The following TNRC6A variants were observed in gnomAD, a reference collection of about 807,000 sequenced individuals.
TNRC6A encodes the protein trinucleotide repeat-containing gene 6A protein.
In TNRC6A, 44 loss-of-function variants were observed where a neutral mutation model predicts 221.2. The ratio of observed to expected loss-of-function variants is 0.20; its 90% CI spans 0.16 to 0.26. The LOEUF is 0.26. Among genes scored for constraint, TNRC6A ranks in the 10% least tolerant of loss-of-function variants. The pLI is 1.00. For missense variants in TNRC6A, 2,199 were observed against 2,404.4 expected, an observed-to-expected ratio of 0.91 and a Z score of 1.79; for synonymous variants, 847 against 838.5, an observed-to-expected ratio of 1.01 and a Z score of -0.18.
rs757212633 is a variant in TNRC6A at position 24,806,815 on chromosome 16, T to A, written c.4540+31T>A. The A allele has an allele frequency of 3.7e-6, 6 of 1,605,712 alleles. No individual in the cohort carries two copies. In the East Asian group the frequency reaches 1.1e-4, roughly 30 times the overall value. On this transcript the variant is annotated intron_variant, in intron 17 of 24. Coordinates refer to ENST00000395799, the MANE Select transcript of TNRC6A (RefSeq NM_014494.4). ...TTTCTCCTTGGCCCAAGTATTGGACTGATGCTTAGGTATCACAGGCGTGCC... is the reference window on the plus strand; with the variant it reads ...TTTCTCCTTGGCCCAAGTATTGGACAGATGCTTAGGTATCACAGGCGTGCC...
chr16:24,751,039 T>C (rs1449815278), intron 3 of TNRC6A, among the ~76,000 whole-genome samples: 2 of 152,206 alleles, frequency 1.3e-5, no homozygotes, highest in Admixed American at 6.5e-5. Context: ...TAAGTACATT[T>C]TATGGATCTT....
chr16:24,698,149 G>T (rs760530627), intron 2 of TNRC6A, among the ~76,000 whole-genome samples: 1 of 151,880 alleles, frequency 6.6e-6, no homozygotes, highest in South Asian at 2.1e-4. Context: ...GCAACATAGC[G>T]AGACCCCGAC....
At chr16:24,797,069 G>A (rs1047082723) in intron 9 of TNRC6A, among the ~76,000 whole-genome samples, 3 of 152,162 alleles carry the variant, frequency 2.0e-5, no homozygotes, top group Non-Finnish European at 1.5e-5. Context: ...AATTAAATTA[G>A]GGGTTAAGTT....
chr16:24,715,470 A>T (rs775891925), intron 2 of TNRC6A, among the ~76,000 whole-genome samples: 4 of 152,132 alleles, frequency 2.6e-5, no homozygotes, highest in Non-Finnish European at 4.4e-5. Flanking sequence ...CCTAAGTACC[A>T]TACCTAATGT....
chr16:24,636,644 C>T (rs1013794293), intron 1 of TNRC6A, among the ~76,000 whole-genome samples: 6 of 152,140 alleles, frequency 3.9e-5, no homozygotes, highest in Admixed American at 1.3e-4. Flanking sequence ...GGTAGAGCCA[C>T]TAAGCCTGGC....
In TNRC6A at chr16:24,648,274, C is replaced by CT. The variant is rs71156430; in HGVS notation, n.402+7280dup. Among the ~76,000 whole-genome samples, 92 of 97,864 alleles carry CT rather than the reference C, an allele frequency of 9.4e-4. 3 individuals are homozygous for CT. Among genetic ancestry groups the CT allele is most frequent in the Middle Eastern group, 7.6e-3 (1 of 132 alleles). The allele number at this position is 97,864 out of a possible 152,430, so 64.2% of individuals were successfully genotyped here. Reference sequence around the variant, plus strand: ...GCAATTGTACCACTTTCCACAGCAACTTTTTTTTTTTTTTTGAGATGGAGT... The same window carrying CT: ...GCAATTGTACCACTTTCCACAGCAACTTTTTTTTTTTTTTTTGAGATGGAGT... On this transcript the variant is annotated intron_variant and non_coding_transcript_variant, in intron 2 of 2. Transcript: ENST00000566108.
chr16:24,781,025 T>C (rs921966965), intron 5 of TNRC6A, among the ~76,000 whole-genome samples: 4 of 148,524 alleles, frequency 2.7e-5, no homozygotes, highest in Non-Finnish European at 5.9e-5. Context: ...TAAAAAAATT[T>C]TCTTAAGCCT....
chr16:24,616,455 G>A (rs902004613), intron 1 of TNRC6A, among the ~76,000 whole-genome samples: 2 of 152,000 alleles, frequency 1.3e-5, no homozygotes, highest in Non-Finnish European at 2.9e-5. Context: ...GGAGAAAAAG[G>A]CATACAAATT....
At chr16:24,725,707 G>C (rs1266802353), upstream of TNRC6A, among the ~76,000 whole-genome samples, 1 of 141,652 alleles carries the variant, frequency 7.1e-6, no homozygotes, top group African/African-American at 2.6e-5. Flanking sequence ...GTTTGCTTAA[G>C]AAAAAAAAAA....
At chr16:24,637,931 C>A (rs918020662) in intron 1 of TNRC6A, among the ~76,000 whole-genome samples, 2 of 152,026 alleles carry the variant, frequency 1.3e-5, no homozygotes, top group African/African-American at 4.8e-5. Context: ...ACTACCAGCT[C>A]GCGCCACCAC....
intron 1 of TNRC6A, among the ~76,000 whole-genome samples, chr16:24,613,500 T>TTA (rs1900178787): frequency 7.3e-6 from 1 of 137,296 alleles, no homozygotes; most frequent in Admixed American, 7.7e-5. Flanking sequence ...TTTTATTTTA[T>TTA]TTTATTTTAT....
At chr16:24,681,096 G>A (rs1015390129) in intron 2 of TNRC6A, among the ~76,000 whole-genome samples, 3 of 151,852 alleles carry the variant, frequency 2.0e-5, no homozygotes, top group Non-Finnish European at 4.4e-5. Context: ...CAAACAGAAA[G>A]TAAAAGTCCA....
chr16:24,722,430 C>CTTATTTAT (rs1194435881), intron 2 of TNRC6A, among the ~76,000 whole-genome samples: 4 of 24,896 alleles, frequency 1.6e-4, no homozygotes, highest in African/African-American at 5.6e-4. Context: ...TATTTATTTA[C>CTTATTTAT]TTATTTATTT....
chr16:24,710,947 C>T (rs1455172403), intron 2 of TNRC6A, among the ~76,000 whole-genome samples: 2 of 151,750 alleles, frequency 1.3e-5, no homozygotes, highest in African/African-American at 2.4e-5. Context: ...GCGATCTCAG[C>T]TCACTGCAAC....
At chr16:24,649,335 G>A (rs565833715) in intron 2 of TNRC6A, among the ~76,000 whole-genome samples, 2 of 151,776 alleles carry the variant, frequency 1.3e-5, no homozygotes, top group Admixed American at 6.6e-5. Context: ...TTGAGACAGG[G>A]TCTCACTCTG....
At chr16:24,651,249 G>A (rs1021896233) in intron 2 of TNRC6A, among the ~76,000 whole-genome samples, 23 of 150,694 alleles carry the variant, frequency 1.5e-4, no homozygotes, top group Non-Finnish European at 3.2e-4. Context: ...ATTTAAAATA[G>A]ACACATTCGC....
At chr16:24,669,969 AG>A (rs1374760863) in intron 2 of TNRC6A, among the ~76,000 whole-genome samples, 1 of 6,448 alleles carries the variant, frequency 1.6e-4, no homozygotes, top group Non-Finnish European at 8.5e-4. Flanking sequence ...TTTTTTTTTT[AG>A]ACAGAGTCTC....
intron 2 of TNRC6A, among the ~76,000 whole-genome samples, chr16:24,745,004 T>A (rs2056972939): frequency 6.6e-6 from 1 of 152,216 alleles, no homozygotes; most frequent in African/African-American, 2.4e-5. Context: ...GTTTTGCAGC[T>A]GCATAATATT....
intron 2 of TNRC6A, among the ~76,000 whole-genome samples, chr16:24,647,399 A>G (rs1902352437): frequency 1.3e-5 from 2 of 152,182 alleles, no homozygotes; most frequent in African/African-American, 4.8e-5. Flanking sequence ...TCTAATCCTG[A>G]TAAAATAAAA....
Sources: allele counts gnomAD v4.1 joint callset (sites outside exome capture counted in the v4.1 genomes callset), GRCh38; gene constraint gnomAD v4.1.1; transcripts MANE v1.5; gene names NCBI Gene and HGNC (gene_info 2026-07-23, HGNC 2026-07-21).